USP25: variants seen among roughly 807,000 people sequenced by gnomAD.
The protein encoded by USP25 is ubiquitin specific peptidase 25, also known as ubiquitin carboxyl-terminal hydrolase 25.
USP25 carries 85 observed loss-of-function variants against 158.5 expected under a neutral mutation model. The observed-to-expected ratio is 0.54, with a 90% CI of 0.45 to 0.64. The LOEUF (loss-of-function observed/expected upper bound fraction) is 0.64, where lower values mean the gene tolerates loss of function less well. Among genes scored for constraint, USP25 ranks in the 30% least tolerant of loss-of-function variants. The pLI, the probability that USP25 is intolerant of heterozygous loss-of-function variation, is 0.00. For synonymous variants in USP25, 464 were observed against 460.4 expected (o/e 1.01, Z -0.10); for missense variants, 1,242 against 1,327.3 (o/e 0.94, Z 1.00).
At chr21:15,765,908 T>C in intron 2 of USP25, 89 bp from the exon 3 acceptor site, 3 of 1,357,628 alleles carry the variant, frequency 2.2e-6, no homozygotes, top group Non-Finnish European at 3.0e-6. Context: ...GCAATTTTGT[T>C]CTAGAGAGTT....
At position 15,766,062 on chromosome 21, in the gene USP25, G is replaced by A. The variant is rs758660178; in HGVS notation, c.189G>A (p.Gln63=). ...FLTAKNAKTP[Q]QEETTYYQTA... ...CTGCGAAGAATGCTAAGACCCCTCAGCAGGAGGAGACAACTTACTACCAAA... is the reference window on the plus strand; with the variant it reads ...CTGCGAAGAATGCTAAGACCCCTCAACAGGAGGAGACAACTTACTACCAAA... The change falls in exon 3 of 26, where the codon CAG becomes CAA. Residue 63 remains glutamine, a synonymous_variant. Coordinates refer to ENST00000400183, the MANE Select transcript of USP25 (RefSeq NM_001283041.3). This position sits in a 1 kb window ranked among gnomAD's most constrained non-coding sequence, Gnocchi z 4.0. The A allele has an allele frequency of 1.1e-5, 18 of 1,610,900 alleles. No individual in the cohort carries two copies. The East Asian group carries it at 3.8e-4, about 34-fold the overall frequency.
At chr21:15,859,424 T>C (rs1214679211) in intron 20 of USP25, among the ~76,000 whole-genome samples, 1 of 152,122 alleles carries the variant, frequency 6.6e-6, no homozygotes, top group African/African-American at 2.4e-5. Context: ...CTCAATCTTC[T>C]GACCTCGTGA....
chr21:15,826,496 A>ACT lies in USP25; in HGVS notation c.1466+132_1466+133dup. 1 of 1,021,802 alleles carries ACT rather than the reference A, an allele frequency of 9.8e-7. No individual in the cohort carries two copies. Among genetic ancestry groups the ACT allele is most frequent in the Non-Finnish European group, 1.4e-6 (1 of 707,182 alleles). The allele number at this position is 1,021,802 out of a possible 1,614,324, so 63.3% of individuals were successfully genotyped here. On this transcript the variant is annotated intron_variant, in intron 13 of 25. Transcript: ENST00000400183. This position sits in a 1 kb window ranked among gnomAD's most constrained non-coding sequence, Gnocchi z 4.8. ...TCAGTGAACTCCTAAGAGTAGATTC[A>ACT]CTTAGAAGACTGTATGTCCTCTGGG...
intron 8 of USP25, among the ~76,000 whole-genome samples, chr21:15,810,480 C>T (rs1045762071): frequency 6.6e-6 from 1 of 151,930 alleles, no homozygotes; most frequent in East Asian, 1.9e-4. Flanking sequence ...CATAAAAAGA[C>T]AATTTAAAAT....
intron 1 of USP25, among the ~76,000 whole-genome samples, chr21:15,744,514 A>G (rs2032358751): frequency 6.6e-6 from 1 of 151,842 alleles, no homozygotes; most frequent in African/African-American, 2.4e-5. Context: ...GGGTTTTGCC[A>G]TGTTGGCCAG....
At chr21:15,848,774 T>G (rs560116264) in intron 19 of USP25, among the ~76,000 whole-genome samples, 2 of 152,270 alleles carry the variant, frequency 1.3e-5, no homozygotes, top group South Asian at 4.1e-4. Context: ...ATTTGTGAGA[T>G]AAACTGGTCA....
At chr21:15,802,915 G>A (rs181248164) in intron 6 of USP25, among the ~76,000 whole-genome samples, 6 of 151,718 alleles carry the variant, frequency 4.0e-5, no homozygotes, top group South Asian at 2.1e-4. Context: ...GGTAGACTAA[G>A]CAAGAAAGAA....
At chr21:15,874,579 GT>G in intron 24 of USP25, 53 bp downstream of exon 24, 1 of 1,518,698 alleles carries the variant, frequency 6.6e-7, no homozygotes, top group Non-Finnish European at 8.8e-7. Flanking sequence ...CATTGGGCAA[GT>G]TTTCCAGACT....
intron 8 of USP25, 98 bp from the exon 9 acceptor site, chr21:15,811,039 A>C (rs756808700): frequency 3.9e-6 from 4 of 1,017,500 alleles, no homozygotes; most frequent in African/African-American, 3.3e-5. Context: ...TAGCCACATA[A>C]GTGTTTTTGT....
In USP25 at chr21:15,759,411, T is replaced by G. The variant is rs181446675; in HGVS notation, c.46-3480T>G. Among the ~76,000 whole-genome samples the G allele has an allele frequency of 3.5e-3, 530 of 152,198 alleles. 5 individuals carry two copies. Among genetic ancestry groups the G allele is most frequent in the African/African-American group, 0.012 (506 of 41,524 alleles). ...CCTGACAACATGTGTCTAAGGTGGT[T>G]GGGGTACAGCTTGCTTTTATACATT... is the stretch of plus-strand genomic sequence containing the variant. On this transcript the variant is annotated intron_variant, in intron 1 of 25. Coordinates refer to ENST00000400183, the MANE Select transcript of USP25 (RefSeq NM_001283041.3).
chr21:15,865,880 C>G (rs2146565350), intron 21 of USP25, among the ~76,000 whole-genome samples: 1 of 152,206 alleles, frequency 6.6e-6, no homozygotes, highest in Non-Finnish European at 1.5e-5. Context: ...ACGTTTTAGA[C>G]TCTTTAGTAT....
chr21:15,778,192 G>C (rs2034767523), intron 4 of USP25, among the ~76,000 whole-genome samples, 165 bp downstream of exon 4: 1 of 152,050 alleles, frequency 6.6e-6, no homozygotes, highest in Non-Finnish European at 1.5e-5. Flanking sequence ...TTCATATTTA[G>C]TTTTGATTGC....
intron 18 of USP25, among the ~76,000 whole-genome samples, chr21:15,844,466 G>T (rs575841360): frequency 1.3e-5 from 2 of 152,010 alleles, no homozygotes; most frequent in Non-Finnish European, 2.9e-5. Flanking sequence ...TAAGTGCCTG[G>T]CATGGCATGT....
At position 15,843,998 on chromosome 21, in the gene USP25, A is replaced by G. The variant is rs1266634515; in HGVS notation, c.2337+1458A>G. On this transcript the variant is annotated intron_variant, in intron 18 of 25. Coordinates refer to ENST00000400183, the MANE Select transcript of USP25 (RefSeq NM_001283041.3). The surrounding 1 kb of genome is among the most constrained non-coding windows in gnomAD (Gnocchi z 4.0). ...AATTTTGATTGCTCAGCTTCATAAT[A>G]TGGATATCGTCTTATAAGGTAGCAA... 1.3e-5 allele frequency among the ~76,000 whole-genome samples: 2 copies of G among 152,182 alleles called. No homozygotes were observed. Among genetic ancestry groups the G allele is most frequent in the Non-Finnish European group, 2.9e-5 (2 of 68,006 alleles).
chr21:15,857,839 C>T (rs927351943), intron 20 of USP25, among the ~76,000 whole-genome samples: 6 of 152,004 alleles, frequency 3.9e-5, no homozygotes, highest in Non-Finnish European at 7.4e-5. Flanking sequence ...GTTTTGATTA[C>T]AGGATAGAAG....
chr21:15,842,550 T>G lies in USP25; in HGVS notation c.2337+10T>G, dbSNP rs2038389235. On this transcript the variant is annotated intron_variant, in intron 18 of 25. Transcript: ENST00000400183. ...AACAGTTTTGCAGTCGGTAAGAACT[T>G]TTCTTTTGGCTCTCTGAACATAGCC... The G allele has an allele frequency of 1.9e-6, 3 of 1,612,438 alleles. No homozygotes were observed. The highest frequency in any genetic ancestry group is 1.3e-5 in the African/African-American group (1 of 74,774).
At chr21:15,790,983 G>A (rs1045777601) in intron 4 of USP25, among the ~76,000 whole-genome samples, 3 of 151,530 alleles carry the variant, frequency 2.0e-5, no homozygotes, top group African/African-American at 7.3e-5. Flanking sequence ...TCCTTTACTT[G>A]GCTCTCATAG....
At chr21:15,732,783 CTT>C (rs1396972572) in intron 1 of USP25, among the ~76,000 whole-genome samples, 6 of 152,190 alleles carry the variant, frequency 3.9e-5, no homozygotes, top group African/African-American at 1.4e-4. Flanking sequence ...CTACACAAAA[CTT>C]TCATGATTTT....
intron 9 of USP25, among the ~76,000 whole-genome samples, chr21:15,812,147 A>G (rs1568836931): frequency 6.6e-6 from 1 of 150,672 alleles, no homozygotes; most frequent in Admixed American, 6.6e-5. Context: ...GTTAATATAT[A>G]TAAGTTTATA....
Sources: allele counts gnomAD v4.1 joint callset (sites outside exome capture counted in the v4.1 genomes callset), GRCh38; gene constraint gnomAD v4.1.1; non-coding constraint Gnocchi (gnomAD v3.1); transcripts MANE v1.5; gene names NCBI Gene and HGNC (gene_info 2026-07-23, HGNC 2026-07-21).